Variants in ERI3 observed in about 807,000 individuals in gnomAD.
The protein encoded by ERI3 is ERI1 exoribonuclease family member 3.
A neutral mutation model predicts 44.4 loss-of-function variants in ERI3; 18 were observed. The observed-to-expected ratio is 0.41, with a 90% CI of 0.28 to 0.60. The LOEUF (loss-of-function observed/expected upper bound fraction) is 0.60. Ranked by LOEUF, ERI3 falls within the 20% of genes least tolerant of loss-of-function variation. The pLI is 0.36. For missense variants in ERI3, 294 were observed against 435.5 expected, an observed-to-expected ratio of 0.68 and a Z score of 2.89; for synonymous variants, 183 against 164.8, an observed-to-expected ratio of 1.11 and a Z score of -0.84.
Position 44,355,032 on chromosome 1 carries a change from C to A in ERI3, c.-6G>T. 7.2e-7 allele frequency: 1 copy of A among 1,383,266 alleles called. No homozygotes were observed. The highest frequency in any genetic ancestry group is 9.4e-7 in the Non-Finnish European group (1 of 1,064,322). The allele number at this position is 1,383,266 out of a possible 1,614,324, so 85.7% of individuals were successfully genotyped here. On this transcript the variant is annotated 5_prime_UTR_variant, in exon 1 of 9. Coordinates refer to ENST00000372257, the MANE Select transcript of ERI3 (RefSeq NM_024066.3). ...GCGGGAGAGGCTGTCGCCATGGCAA[C>A]GCCCCCTCCTCGGGGCCAGCGCGGC... is the stretch of plus-strand genomic sequence containing the variant.
chr1:44,310,043 T>C (rs161728), intron 5 of ERI3, among the ~76,000 whole-genome samples: 151,455 of 152,292 alleles, frequency 0.99, 75,315 homozygotes, highest in Middle Eastern at 1. Flanking sequence ...ATCTATAAAA[T>C]CTTACACAGA....
At chr1:44,307,408 CACACACACACAAACACACACACACAGAG>C (rs1173012023) in intron 6 of ERI3, among the ~76,000 whole-genome samples, 2 of 152,042 alleles carry the variant, frequency 1.3e-5, no homozygotes, top group African/African-American at 2.4e-5. Flanking sequence ...AAAGTTCAAA[CACACACACACAAACACACACACACAGAG>C]ACACACACAC....
intron 6 of ERI3, among the ~76,000 whole-genome samples, chr1:44,298,799 T>G (rs1346816064): frequency 6.6e-6 from 1 of 152,008 alleles, no homozygotes; most frequent in East Asian, 1.9e-4. Context: ...GTACCTATAG[T>G]CCCAGCTACT....
At chr1:44,354,393 C>T (rs1646954944) in intron 1 of ERI3, 1 of 985,436 alleles carries the variant, frequency 1.0e-6, no homozygotes, top group Non-Finnish European at 1.2e-6. Context: ...TTATATTTTG[C>T]AAGAACTCGC....
intron 3 of ERI3, among the ~76,000 whole-genome samples, chr1:44,333,681 G>A (rs1391876201): frequency 5.3e-5 from 8 of 152,140 alleles, no homozygotes. Flanking sequence ...TGCTTTGTAG[G>A]GATCTTAACC....
chr1:44,267,109 G>A (rs1364993128), intron 7 of ERI3, among the ~76,000 whole-genome samples: 1 of 152,186 alleles, frequency 6.6e-6, no homozygotes, highest in Non-Finnish European at 1.5e-5. Context: ...ATCCAAGCTG[G>A]TAAAGAACTG....
At chr1:44,256,065 AG>A (rs1328798030) in intron 7 of ERI3, among the ~76,000 whole-genome samples, 12 of 152,114 alleles carry the variant, frequency 7.9e-5, no homozygotes, top group Admixed American at 2.6e-4. Context: ...GAGGTTCCTG[AG>A]GGGGTTGGGG....
chr1:44,302,181 T>C (rs763768323), intron 6 of ERI3, among the ~76,000 whole-genome samples: 2 of 152,192 alleles, frequency 1.3e-5, no homozygotes, highest in Non-Finnish European at 2.9e-5. Flanking sequence ...TTCCTGGCCG[T>C]TGTGGAGAAG....
rs58344074 is a variant in ERI3, at chr1:44,310,963, GCACACACACACACACACACA to G, written c.666+2186_666+2205del. ...ATGTATGTGCACATCGCGCGCGCGC[GCACACACACACACACACACA>G]CACACACACACACACACACACACAC... On this transcript the variant is annotated intron_variant, in intron 5 of 8. Coordinates refer to ENST00000372257, the MANE Select transcript of ERI3 (RefSeq NM_024066.3). Among the ~76,000 whole-genome samples, 317 of 123,260 alleles carry G rather than the reference GCACACACACACACACACACA, an allele frequency of 2.6e-3. 7 individuals are homozygous for G. Among genetic ancestry groups the G allele is most frequent in the Non-Finnish European group, 2.8e-3 (163 of 59,156 alleles). 80.9% of individuals were successfully genotyped at this position (123,260 alleles called of 152,430 possible). A position where few individuals can be genotyped will look rare whatever the true frequency, so the allele number is the denominator to read the frequency against.
At chr1:44,344,412 G>A (rs953213542) in intron 2 of ERI3, among the ~76,000 whole-genome samples, 1 of 152,064 alleles carries the variant, frequency 6.6e-6, no homozygotes, top group African/African-American at 2.4e-5. Flanking sequence ...CTGGTAGAGA[G>A]GCTCAAAGCA....
chr1:44,246,093 CA>C (rs1644549587), intron 8 of ERI3, among the ~76,000 whole-genome samples: 1 of 152,186 alleles, frequency 6.6e-6, no homozygotes, highest in African/African-American at 2.4e-5. Context: ...TATGTCTCCT[CA>C]AAACTGCAGG....
chr1:44,275,631 A>T (rs1044884659), intron 7 of ERI3, among the ~76,000 whole-genome samples: 1 of 152,216 alleles, frequency 6.6e-6, no homozygotes, highest in African/African-American at 2.4e-5. Context: ...GCTGGTCCTC[A>T]TCCAATCCTC....
At chr1:44,319,543 T>C in intron 4 of ERI3, 85 bp downstream of exon 4, 1 of 863,098 alleles carries the variant, frequency 1.2e-6, no homozygotes, top group South Asian at 1.5e-5. Context: ...AGCCCTATGC[T>C]TTCTCTAAGT....
chr1:44,342,923 G>A (rs1646714808), intron 2 of ERI3, among the ~76,000 whole-genome samples: 1 of 117,976 alleles, frequency 8.5e-6, no homozygotes. Flanking sequence ...TGCCCAGGCT[G>A]GTCTTAAATT....
rs372751309 is a variant in ERI3, at chr1:44,273,834, G to C, written c.831+11001C>G. ...AGGGGAAAGGCGATGTAAGAAAAGG[G>C]AACAGTATATGTAAGGGGAGGTGAG... On this transcript the variant is annotated intron_variant, in intron 7 of 8. Transcript: ENST00000372257. Among the ~76,000 whole-genome samples the C allele has an allele frequency of 2.0e-5, 3 of 152,162 alleles. No homozygotes were observed. In the East Asian group the frequency reaches 5.8e-4, roughly 29 times the overall value.
At chr1:44,339,918 G>T (rs990776294) in intron 2 of ERI3, among the ~76,000 whole-genome samples, 7 of 152,162 alleles carry the variant, frequency 4.6e-5, no homozygotes, top group African/African-American at 1.7e-4. Context: ...ACATTCTGGT[G>T]ATCCCCCAAC....
chr1:44,237,271 G>C (rs1644327717), intron 8 of ERI3, among the ~76,000 whole-genome samples: 1 of 152,142 alleles, frequency 6.6e-6, no homozygotes, highest in African/African-American at 2.4e-5. Flanking sequence ...CTGAAGCCCT[G>C]GTATTGGCCT....
chr1:44,335,883 C>T (rs766761369), intron 3 of ERI3, among the ~76,000 whole-genome samples: 4 of 152,044 alleles, frequency 2.6e-5, no homozygotes, highest in Admixed American at 6.5e-5. Flanking sequence ...TACCTTATTC[C>T]GGTCCTTTTG....
chr1:44,261,493 A>G (rs1402522737), intron 7 of ERI3, among the ~76,000 whole-genome samples: 2 of 152,250 alleles, frequency 1.3e-5, no homozygotes, highest in South Asian at 2.1e-4. Context: ...GAGAGACAGA[A>G]GAGAGAGAAA....
Sources: allele counts gnomAD v4.1 joint callset (sites outside exome capture counted in the v4.1 genomes callset), GRCh38; gene constraint gnomAD v4.1.1; transcripts MANE v1.5; gene names NCBI Gene and HGNC (gene_info 2026-07-23, HGNC 2026-07-21).